Variants in IL12RB2 observed in about 807,000 individuals in gnomAD.
IL12RB2 encodes the protein interleukin-12 receptor subunit beta-2.
IL12RB2 carries 82 observed loss-of-function variants against 89.4 expected under a neutral mutation model. The observed-to-expected ratio is 0.92, with a 90% CI of 0.77 to 1.10. The LOEUF is 1.10. IL12RB2 is among the 50% of genes least tolerant of loss of function. The pLI, the probability that IL12RB2 is intolerant of heterozygous loss-of-function variation, is 0.00. For synonymous variants in IL12RB2, 368 were observed against 370.1 expected (o/e 0.99, Z 0.07); for missense variants, 963 against 1,031.9 (o/e 0.93, Z 0.92).
chr1:67,317,817 A>G (rs1326194114), intron 2 of IL12RB2, among the ~76,000 whole-genome samples: 3 of 152,222 alleles, frequency 2.0e-5, no homozygotes, highest in Non-Finnish European at 4.4e-5. Context: ...GGTATTCAAC[A>G]GTGAGCAAGG....
intron 9 of IL12RB2, among the ~76,000 whole-genome samples, chr1:67,339,691 C>T (rs1464354158): frequency 3.3e-5 from 5 of 152,144 alleles, no homozygotes; most frequent in African/African-American, 1.2e-4. Context: ...GAGGTAAGTA[C>T]TGGTACGCCC....
Position 67,380,082 on chromosome 1 carries a change from G to A in IL12RB2, c.1814G>A (p.Gly605Asp). ...TGGATGACAGCTCTGACAGCTGCTG[G>A]TGAAAGTTCCCACGGAAATGAGAGG... ...VLWMTALTAA[G>D]ESSHGNEREF... Residue 605 changes from glycine to aspartate, a missense_variant, in exon 14 of 17, where the codon GGT becomes GAT. Coordinates refer to ENST00000674203, the MANE Select transcript of IL12RB2 (RefSeq NM_001374259.2). 2 of 1,614,192 alleles carry A rather than the reference G, an allele frequency of 1.2e-6. No individual in the cohort carries two copies. Among genetic ancestry groups the A allele is most frequent in the Non-Finnish European group, 1.7e-6 (2 of 1,180,016 alleles).
intron 10 of IL12RB2, among the ~76,000 whole-genome samples, chr1:67,366,205 A>G (rs1237130432): frequency 6.6e-6 from 1 of 152,178 alleles, no homozygotes; most frequent in East Asian, 1.9e-4. Context: ...TAATCCCAGC[A>G]CTTTGGGAGC....
chr1:67,365,349 G>A (rs1345505344), intron 10 of IL12RB2, among the ~76,000 whole-genome samples: 1 of 151,858 alleles, frequency 6.6e-6, no homozygotes, highest in Non-Finnish European at 1.5e-5. Context: ...GAAACCAAAA[G>A]CTGATTCTTT....
At chr1:67,338,788 A>C (rs1421692766) in intron 9 of IL12RB2, 85 bp downstream of exon 9, 1 of 769,496 alleles carries the variant, frequency 1.3e-6, no homozygotes, top group East Asian at 2.5e-5. Flanking sequence ...TTTTATATGA[A>C]GCTTCAATGA....
At chr1:67,329,223 G>A (rs1657731796) in intron 6 of IL12RB2, among the ~76,000 whole-genome samples, 1 of 152,034 alleles carries the variant, frequency 6.6e-6, no homozygotes. Flanking sequence ...TTCTCCTCCT[G>A]AGGCAGTCAT....
intron 15 of IL12RB2, among the ~76,000 whole-genome samples, chr1:67,387,060 C>G (rs1570202008): frequency 6.6e-6 from 1 of 151,644 alleles, no homozygotes; most frequent in East Asian, 2.0e-4. Flanking sequence ...TCCTGAGTAG[C>G]TGGGATTACA....
chr1:67,356,749 A>G (rs1321694041), intron 10 of IL12RB2, among the ~76,000 whole-genome samples: 1 of 152,176 alleles, frequency 6.6e-6, no homozygotes, highest in African/African-American at 2.4e-5. Flanking sequence ...CCCTATAAAA[A>G]AAGAAAAGCC....
Position 67,395,778 on chromosome 1 carries a change from A to G in IL12RB2, c.2278A>G (p.Ser760Gly). 6.2e-7 allele frequency: 1 copy of G among 1,614,138 alleles called. No homozygotes were observed. The highest frequency in any genetic ancestry group is 1.3e-5 in the African/African-American group (1 of 75,064). Reference sequence around the variant, plus strand: ...ACCTCCAAGAGCTCTCCAAGCTGAGAGCAGACAACTGGTGGATCTGTACAA... The same window carrying G: ...ACCTCCAAGAGCTCTCCAAGCTGAGGGCAGACAACTGGTGGATCTGTACAA... ...PPPPRALQAE[S>G]RQLVDLYKVL... Residue 760 changes from serine (S) to glycine (G), a missense_variant, in exon 17 of 17, where the codon AGC (serine) becomes GGC (glycine). By Grantham distance (56) the Ser-to-Gly change is moderately conservative. Coordinates refer to ENST00000674203, the MANE Select transcript of IL12RB2 (RefSeq NM_001374259.2).
chr1:67,362,839 G>C (rs1662252356), intron 10 of IL12RB2, among the ~76,000 whole-genome samples: 1 of 151,238 alleles, frequency 6.6e-6, no homozygotes, highest in African/African-American at 2.4e-5. Flanking sequence ...CAGAAACTTG[G>C]AACTATATAG....
At chr1:67,318,837 C>T (rs1248414233) in intron 2 of IL12RB2, among the ~76,000 whole-genome samples, 1 of 151,310 alleles carries the variant, frequency 6.6e-6, no homozygotes, top group Non-Finnish European at 1.5e-5. Context: ...TAGCAGATGA[C>T]ATCTAGAGCT....
At chr1:67,365,951 T>TA (rs1662620185) in intron 10 of IL12RB2, among the ~76,000 whole-genome samples, 1 of 152,160 alleles carries the variant, frequency 6.6e-6, no homozygotes, top group Admixed American at 6.5e-5. Flanking sequence ...TATGTGTCAT[T>TA]AAGTTATCAG....
intron 13 of IL12RB2, among the ~76,000 whole-genome samples, chr1:67,378,288 T>C (rs368708992): frequency 2.6e-5 from 4 of 152,006 alleles, no homozygotes; most frequent in African/African-American, 9.7e-5. Context: ...CTGGAGAAGA[T>C]TGTCTATTCA....
rs35122967 is a variant in IL12RB2 at position 67,374,777 on chromosome 1, CTTTTTTTT to C, written c.1717+2016_1717+2023del. On this transcript the variant is annotated intron_variant, in intron 13 of 16. Coordinates refer to ENST00000674203, the MANE Select transcript of IL12RB2 (RefSeq NM_001374259.2). ...AGGCGTGAGCCACCCAGCCCAGCCT[CTTTTTTTT>C]TTTTTTTTTTTTTTTTTTTTTAACA... Among the ~76,000 whole-genome samples the C allele has an allele frequency of 2.8e-4, 15 of 53,866 alleles. No homozygotes were observed. In the East Asian group the frequency reaches 5.1e-3, roughly 18 times the overall value. The allele number at this position is 53,866 out of a possible 152,430, so 35.3% of individuals were successfully genotyped here.
intron 16 of IL12RB2, among the ~76,000 whole-genome samples, chr1:67,394,809 C>G (rs1230061464): frequency 1.3e-5 from 2 of 152,222 alleles, no homozygotes; most frequent in Non-Finnish European, 2.9e-5. Flanking sequence ...AAACACCACA[C>G]ATCTCTCAGG....
At chr1:67,345,654 G>A (rs1259966030) in intron 9 of IL12RB2, among the ~76,000 whole-genome samples, 2 of 152,160 alleles carry the variant, frequency 1.3e-5, no homozygotes, top group Admixed American at 6.5e-5. Flanking sequence ...AGCAGCAGAT[G>A]GCACAATTTA....
chr1:67,388,404 G>A (rs1292233292), intron 15 of IL12RB2, among the ~76,000 whole-genome samples: 1 of 152,148 alleles, frequency 6.6e-6, no homozygotes, highest in Non-Finnish European at 1.5e-5. Context: ...GGAGTGCAGT[G>A]GCATGATCTT....
At chr1:67,377,768 C>T (rs1036968159) in intron 13 of IL12RB2, among the ~76,000 whole-genome samples, 4 of 147,646 alleles carry the variant, frequency 2.7e-5, no homozygotes, top group Non-Finnish European at 5.9e-5. Context: ...GGTCACAGAT[C>T]CTATTGTAAT....
At chr1:67,365,423 A>G (rs1662569227) in intron 10 of IL12RB2, among the ~76,000 whole-genome samples, 2 of 152,206 alleles carry the variant, frequency 1.3e-5, no homozygotes, top group Admixed American at 6.5e-5. Flanking sequence ...GAGAAAGAGG[A>G]TGAAAATTAC....
Sources: gnomAD v4.1 joint callset for allele counts (sites outside exome capture counted in the v4.1 genomes callset) on GRCh38, gnomAD v4.1.1 for gene constraint, MANE v1.5 for transcripts, NCBI Gene and HGNC (gene_info 2026-07-23, HGNC 2026-07-21) for gene names.